CACNA2D3: variants seen among roughly 807,000 people sequenced by gnomAD.
CACNA2D3 encodes voltage-dependent calcium channel subunit alpha-2/delta-3.
CACNA2D3 carries 60 observed loss-of-function variants against 160.6 expected under a neutral mutation model. The ratio of observed to expected loss-of-function variants is 0.37; its 90% confidence interval spans 0.30 to 0.46. CACNA2D3 has a LOEUF of 0.46. Among genes scored for constraint, CACNA2D3 ranks in the 20% least tolerant of loss-of-function variants. CACNA2D3 has a pLI of 1.00. For synonymous variants in CACNA2D3, 558 were observed against 492.9 expected, an observed-to-expected ratio of 1.13 and a Z score of -1.75; for missense variants, 1,205 against 1,365.0, an observed-to-expected ratio of 0.88 and a Z score of 1.85.
intron 13 of CACNA2D3, among the ~76,000 whole-genome samples, chr3:54,813,886 A>T (rs1255670320): frequency 1.5e-5 from 2 of 133,518 alleles, no homozygotes; most frequent in African/African-American, 6.0e-5. Flanking sequence ...TTTTTTTGAG[A>T]CAGGATCTCA....
chr3:54,578,122 G>A (rs777730662), intron 8 of CACNA2D3, among the ~76,000 whole-genome samples: 7 of 152,182 alleles, frequency 4.6e-5, no homozygotes, highest in Non-Finnish European at 8.8e-5. Context: ...AACCACTTGG[G>A]CAGAAAGGGG....
At position 54,987,656 on chromosome 3, in the gene CACNA2D3, C is replaced by G. The variant is rs59582824; in HGVS notation, c.2620-27C>G. On this transcript the variant is annotated intron_variant, in intron 30 of 37. Transcript: ENST00000474759. The stretch of plus-strand genomic sequence containing the variant: ...TGTTTGGGCACATTATTTATCTACA[C>G]CTCCTCATATGTCTTCTTCCCCATA... The G allele has an allele frequency of 5.0e-5, 75 of 1,491,780 alleles. No homozygotes were observed. In the African/African-American group the frequency reaches 1.0e-3, roughly 20 times the overall value. 92.4% of individuals were successfully genotyped at this position (1,491,780 alleles called of 1,614,324 possible).
intron 11 of CACNA2D3, among the ~76,000 whole-genome samples, chr3:54,736,455 G>C (rs1400641710): frequency 6.6e-6 from 1 of 151,980 alleles, no homozygotes; most frequent in Non-Finnish European, 1.5e-5. Context: ...GGATTGCTGT[G>C]TCAAAGGTTA....
At chr3:54,942,147 C>A (rs1467607516) in intron 27 of CACNA2D3, among the ~76,000 whole-genome samples, 1 of 152,200 alleles carries the variant, frequency 6.6e-6, no homozygotes, top group Non-Finnish European at 1.5e-5. Context: ...CATCCCAGAG[C>A]ATCTGCAGAA....
intron 11 of CACNA2D3, among the ~76,000 whole-genome samples, chr3:54,707,471 C>T (rs2106957759): frequency 6.6e-6 from 1 of 152,314 alleles, no homozygotes; most frequent in South Asian, 2.1e-4. Context: ...TGTCCCAGTA[C>T]ACGAAAGGGA....
rs532701200 is a variant in CACNA2D3, at chr3:54,262,034, G to A, written c.205-58408G>A. Among the ~76,000 whole-genome samples the A allele has an allele frequency of 3.3e-5, 5 of 152,106 alleles. No individual in the cohort carries two copies. In the South Asian group the frequency reaches 8.3e-4, roughly 25 times the overall value. On this transcript the variant is annotated intron_variant, in intron 2 of 37. Coordinates refer to ENST00000474759, the MANE Select transcript of CACNA2D3 (RefSeq NM_018398.3). ...AATGCAGTTGGGGATAGGGGTTTTG[G>A]GGGAGGGAGCAGGAGTTTTGATTTT...
At chr3:54,128,544 T>G (rs1004406789) in intron 2 of CACNA2D3, among the ~76,000 whole-genome samples, 3 of 152,196 alleles carry the variant, frequency 2.0e-5, no homozygotes, top group Non-Finnish European at 4.4e-5. Flanking sequence ...AAGGAGCCTG[T>G]ATTTCAGGCC....
intron 4 of CACNA2D3, among the ~76,000 whole-genome samples, chr3:54,445,351 C>T (rs1700204796): frequency 6.6e-6 from 1 of 152,276 alleles, no homozygotes; most frequent in Admixed American, 6.5e-5. Context: ...TCAGGCCGAG[C>T]AAAACATGCC....
chr3:55,040,995 TTTTCA>T (rs1282800449), intron 35 of CACNA2D3, among the ~76,000 whole-genome samples: 4 of 152,218 alleles, frequency 2.6e-5, no homozygotes, highest in Non-Finnish European at 5.9e-5. Context: ...GTATTCATTT[TTTTCA>T]TTTCTTTTAC....
At chr3:54,967,753 T>A (rs1702184212) in intron 27 of CACNA2D3, among the ~76,000 whole-genome samples, 1 of 152,216 alleles carries the variant, frequency 6.6e-6, no homozygotes, top group African/African-American at 2.4e-5. Context: ...CATGTTATAG[T>A]TTTGAGGTTC....
At chr3:54,939,952 T>C (rs1454520186) in intron 27 of CACNA2D3, among the ~76,000 whole-genome samples, 3 of 152,204 alleles carry the variant, frequency 2.0e-5, no homozygotes, top group Non-Finnish European at 4.4e-5. Flanking sequence ...CTTTCCATGA[T>C]GGATTTCTAG....
intron 11 of CACNA2D3, among the ~76,000 whole-genome samples, chr3:54,650,899 G>T (rs1699751516): frequency 6.6e-6 from 1 of 152,216 alleles, no homozygotes; most frequent in African/African-American, 2.4e-5. Flanking sequence ...GTCAGAGACT[G>T]TTCTAAATGC....
intron 11 of CACNA2D3, among the ~76,000 whole-genome samples, chr3:54,706,937 C>T (rs577273462): frequency 6.6e-6 from 1 of 152,224 alleles, no homozygotes; most frequent in South Asian, 2.1e-4. Context: ...TTTCTGGCTT[C>T]TCCATTCCTG....
intron 35 of CACNA2D3, among the ~76,000 whole-genome samples, chr3:55,021,634 TA>T (rs1703452098): frequency 7.7e-6 from 1 of 129,812 alleles, no homozygotes; most frequent in African/African-American, 2.7e-5. Context: ...TGTATATATA[TA>T]TATATATATG....
chr3:54,521,424 T>G (rs1454338114), intron 5 of CACNA2D3, among the ~76,000 whole-genome samples: 1 of 138,494 alleles, frequency 7.2e-6, no homozygotes, highest in Non-Finnish European at 1.6e-5. Flanking sequence ...TAAGAATTTT[T>G]TATGTATTCC....
intron 4 of CACNA2D3, among the ~76,000 whole-genome samples, chr3:54,434,421 G>C (rs1262726671): frequency 6.6e-6 from 1 of 152,206 alleles, no homozygotes; most frequent in Non-Finnish European, 1.5e-5. Context: ...CTATCATTTT[G>C]ATTTTGGCCC....
At chr3:54,678,451 G>A (rs778905349) in intron 11 of CACNA2D3, among the ~76,000 whole-genome samples, 7 of 152,078 alleles carry the variant, frequency 4.6e-5, no homozygotes, top group Non-Finnish European at 8.8e-5. Context: ...GGCCGGGCGC[G>A]GTGGCTCACG....
chr3:54,975,521 CAAAAAAAAA>C (rs55819960), intron 29 of CACNA2D3, among the ~76,000 whole-genome samples: 2 of 77,778 alleles, frequency 2.6e-5, no homozygotes, highest in African/African-American at 4.5e-5. Flanking sequence ...ACTTGGTCTC[CAAAAAAAAA>C]AAAAAAAAAA....
intron 11 of CACNA2D3, among the ~76,000 whole-genome samples, chr3:54,643,667 T>A (rs1699573647): frequency 6.6e-6 from 1 of 152,154 alleles, no homozygotes; most frequent in Admixed American, 6.5e-5. Context: ...CAGAGACAGG[T>A]AGAGGCCAGA....
Sources: allele counts gnomAD v4.1 joint callset (sites outside exome capture counted in the v4.1 genomes callset), GRCh38; gene constraint gnomAD v4.1.1; transcripts MANE v1.5; gene names NCBI Gene and HGNC (gene_info 2026-07-23, HGNC 2026-07-21).